The following SLC23A2 variants were observed in gnomAD, a reference collection of about 807,000 sequenced individuals.
SLC23A2 encodes the protein Na(+)/L-ascorbic acid transporter 2.
Under a neutral mutation model 73.3 loss-of-function variants are expected in SLC23A2, and 36 were observed. The ratio of observed to expected loss-of-function variants is 0.49; its 90% CI spans 0.38 to 0.65. The LOEUF is 0.65. Ranked by LOEUF, SLC23A2 falls within the 30% of genes least tolerant of loss-of-function variation. SLC23A2 has a pLI of 0.00. For synonymous variants in SLC23A2, 343 were observed against 327.3 expected (o/e 1.05, Z -0.52); for missense variants, 507 against 841.6 (o/e 0.60, Z 4.92).
intron 3 of SLC23A2, among the ~76,000 whole-genome samples, chr20:4,924,342 T>C (rs529050113): frequency 6.6e-6 from 1 of 152,266 alleles, no homozygotes; most frequent in East Asian, 1.9e-4. Context: ...ACGCCTGGAA[T>C]GGGTGTCTCT....
At chr20:4,911,868 G>C (rs1330476663) in intron 4 of SLC23A2, among the ~76,000 whole-genome samples, 1 of 151,848 alleles carries the variant, frequency 6.6e-6, no homozygotes, top group Non-Finnish European at 1.5e-5. Context: ...TTTAGAGACA[G>C]GGTCTTACTC....
At chr20:4,990,671 C>T (rs2087910033) in intron 1 of SLC23A2, among the ~76,000 whole-genome samples, 1 of 150,196 alleles carries the variant, frequency 6.7e-6, no homozygotes, top group African/African-American at 2.4e-5. Flanking sequence ...CTGCCCCGGC[C>T]TCCATCTCTT....
chr20:4,893,096 G>A (rs995435256), intron 6 of SLC23A2, among the ~76,000 whole-genome samples: 4 of 150,906 alleles, frequency 2.7e-5, no homozygotes, highest in Non-Finnish European at 4.4e-5. Flanking sequence ...ACAGGATCTC[G>A]CTCTGTCTCC....
intron 2 of SLC23A2, among the ~76,000 whole-genome samples, chr20:4,957,173 A>G (rs1307735912): frequency 6.6e-6 from 1 of 152,094 alleles, no homozygotes; most frequent in Admixed American, 6.6e-5. Flanking sequence ...TACTCTAAGA[A>G]GCCAAGCATA....
At chr20:5,003,176 G>T (rs2423085), upstream of SLC23A2, among the ~76,000 whole-genome samples, 27,317 of 152,048 alleles carry the variant, frequency 0.18, 2,565 homozygotes, top group Middle Eastern at 0.26. Flanking sequence ...GAGGTCAGGA[G>T]ATCGAGACCA....
intron 1 of SLC23A2, among the ~76,000 whole-genome samples, chr20:4,999,998 G>T (rs1210996705): frequency 6.6e-6 from 1 of 152,172 alleles, no homozygotes; most frequent in Non-Finnish European, 1.5e-5. Flanking sequence ...CACACCTGCT[G>T]CCTCCCTTTA....
At chr20:4,919,042 A>C (rs1018120911) in intron 3 of SLC23A2, among the ~76,000 whole-genome samples, 1 of 152,234 alleles carries the variant, frequency 6.6e-6, no homozygotes, top group East Asian at 1.9e-4. Flanking sequence ...CTCCTTTACT[A>C]TGAACATGAA....
chr20:4,938,605 G>A (rs900064942), intron 2 of SLC23A2, among the ~76,000 whole-genome samples: 2 of 152,114 alleles, frequency 1.3e-5, no homozygotes, highest in Non-Finnish European at 2.9e-5. Flanking sequence ...GATTACAGGC[G>A]TGAGCCACCA....
chr20:5,001,619 C>T (rs1041936280), upstream of SLC23A2: 4 of 150,346 alleles, frequency 2.7e-5, no homozygotes, highest in African/African-American at 9.7e-5. Context: ...GGGCCTCCCC[C>T]CGGGGAGGGG....
chr20:4,897,309 C>T (rs1034164723), intron 6 of SLC23A2, among the ~76,000 whole-genome samples: 17 of 152,196 alleles, frequency 1.1e-4, no homozygotes, highest in African/African-American at 3.4e-4. Context: ...CAGTTGCTGA[C>T]GTGATTAGAG....
intron 3 of SLC23A2, 86 bp from the exon 4 acceptor site, chr20:4,913,064 T>C (rs1932214202): frequency 1.1e-5 from 9 of 850,036 alleles, no homozygotes; most frequent in East Asian, 4.8e-5. Flanking sequence ...TCCTGGTGAG[T>C]GCATGACCAG....
At chr20:4,980,967 C>T (rs2087717874) in intron 1 of SLC23A2, among the ~76,000 whole-genome samples, 1 of 152,190 alleles carries the variant, frequency 6.6e-6, no homozygotes, top group African/African-American at 2.4e-5. Flanking sequence ...GATATTTTTC[C>T]ACTAATTCTG....
At chr20:4,879,156 C>A (rs1394982342) in intron 9 of SLC23A2, among the ~76,000 whole-genome samples, 1 of 152,140 alleles carries the variant, frequency 6.6e-6, no homozygotes, top group Non-Finnish European at 1.5e-5. Context: ...CCTGTAATCC[C>A]AGCACTTTGG....
intron 2 of SLC23A2, among the ~76,000 whole-genome samples, chr20:4,944,527 G>A (rs1289183966): frequency 2.0e-5 from 3 of 152,146 alleles, no homozygotes; most frequent in Non-Finnish European, 2.9e-5. Flanking sequence ...ATGAGCCACC[G>A]CACCCGGCCA....
rs1321624368 is a variant in SLC23A2 at position 4,863,127 on chromosome 20, C to G, written c.1357-220G>C. 1.3e-5 allele frequency among the ~76,000 whole-genome samples: 2 copies of G among 152,186 alleles called. No individual in the cohort carries two copies. The highest frequency in any genetic ancestry group is 4.8e-5 in the African/African-American group (2 of 41,436). ...CCTGCACTCAGGCCTCAGGGCTCTACTGCCCTGGCACAGTCATGGGTTGGG... is the reference window on the plus strand; with the variant it reads ...CCTGCACTCAGGCCTCAGGGCTCTAGTGCCCTGGCACAGTCATGGGTTGGG... On this transcript the variant is annotated intron_variant, in intron 13 of 16. Coordinates refer to ENST00000338244, the MANE Select transcript of SLC23A2 (RefSeq NM_005116.6). This position sits in a 1 kb window ranked among gnomAD's most constrained non-coding sequence, Gnocchi z 4.8.
intron 9 of SLC23A2, among the ~76,000 whole-genome samples, chr20:4,881,797 T>G (rs997731024): frequency 3.3e-5 from 5 of 152,354 alleles, no homozygotes; most frequent in African/African-American, 1.2e-4. Flanking sequence ...TAAGTGTGAC[T>G]GGTGCTGTTC....
At chr20:4,995,558 T>C (rs2423078) in intron 1 of SLC23A2, among the ~76,000 whole-genome samples, 150,010 of 152,238 alleles carry the variant, frequency 0.99, 73,916 homozygotes, top group East Asian at 1. Flanking sequence ...ATGCCTCTCC[T>C]GCTCCACCCT....
intron 6 of SLC23A2, chr20:4,886,117 C>T: frequency 4.0e-6 from 2 of 503,446 alleles, no homozygotes; most frequent in South Asian, 4.5e-5. Flanking sequence ...TGCCACTCTC[C>T]TCCCACCCAG....
At chr20:4,906,804 G>A (rs892441407) in intron 4 of SLC23A2, among the ~76,000 whole-genome samples, 1 of 152,140 alleles carries the variant, frequency 6.6e-6, no homozygotes, top group Non-Finnish European at 1.5e-5. Flanking sequence ...CAAGGACAAA[G>A]CAAAGAGGAG....
Sources: gnomAD v4.1 joint callset for allele counts (sites outside exome capture counted in the v4.1 genomes callset) on GRCh38, gnomAD v4.1.1 for gene constraint, Gnocchi (gnomAD v3.1) non-coding constraint, MANE v1.5 for transcripts, NCBI Gene and HGNC (gene_info 2026-07-23, HGNC 2026-07-21) for gene names.